Variants in TMEM139 observed in about 807,000 individuals in gnomAD.
TMEM139 encodes the protein transmembrane protein 139.
In TMEM139, 9 loss-of-function variants were observed where a neutral mutation model predicts 15.9. The ratio of observed to expected loss-of-function variants is 0.57; its 90% confidence interval spans 0.34 to 0.99. TMEM139 has a LOEUF of 0.99. Among genes scored for constraint, TMEM139 ranks in the 50% least tolerant of loss-of-function variants. The pLI, the probability that TMEM139 is intolerant of heterozygous loss-of-function variation, is 0.02. For synonymous variants in TMEM139, 95 were observed against 110.5 expected (o/e 0.86, Z 0.88); for missense variants, 270 against 267.7 (o/e 1.01, Z -0.06).
Position 143,286,874 on chromosome 7 carries a change from C to G in TMEM139, c.*45C>G. ...TCTTCTCTCCACACCAGACCTCGTT[C>G]ATTTGACTAACATTTTCCAGCGCCT... is the stretch of plus-strand genomic sequence containing the variant. On this transcript the variant is annotated 3_prime_UTR_variant, in exon 3 of 3. Coordinates refer to ENST00000359333, the MANE Select transcript of TMEM139 (RefSeq NM_001282876.2). 6.6e-7 allele frequency: 1 copy of G among 1,515,882 alleles called. No homozygotes were observed. The highest frequency in any genetic ancestry group is 1.3e-5 in the South Asian group (1 of 76,630). The allele number at this position is 1,515,882 out of a possible 1,614,324, so 93.9% of individuals were successfully genotyped here.
At position 143,285,442 on chromosome 7, in the gene TMEM139, C is replaced by T. The variant is rs1200687871; in HGVS notation, c.-21C>T. 2 of 170,388 alleles carry T rather than the reference C, an allele frequency of 1.2e-5. No homozygotes were observed. Among genetic ancestry groups the T allele is most frequent in the Non-Finnish European group, 2.6e-5 (2 of 77,366 alleles). 10.6% of individuals were successfully genotyped at this position (170,388 alleles called of 1,614,324 possible). ...GAGGAAAGGAAAAGACAGAGTCAGA[C>T]AGGGTAAGTGGGGCTCCCTCCCCTC... On this transcript the variant is annotated 5_prime_UTR_variant, in exon 1 of 3. Transcript: ENST00000359333.
At chr7:143,286,397 C>T in intron 2 of TMEM139, 27 bp from the exon 3 acceptor site, 1 of 1,523,066 alleles carries the variant, frequency 6.6e-7, no homozygotes, top group Non-Finnish European at 8.8e-7. Flanking sequence ...ATGGAAGCCA[C>T]CAATGGCCTT....
Position 143,286,517 on chromosome 7 carries a change from C to T in TMEM139, c.339C>T (p.Pro113=). Residue 113 remains proline, a synonymous_variant, in exon 3 of 3, where the codon CCC becomes CCT. Transcript: ENST00000359333. ...CRPQELDQPP[P]YSTVVIPPAP... ...CCCAAGAGTTGGACCAACCACCCCC[C>T]TACAGCACTGTTGTGATACCCCCAG... 6.2e-7 allele frequency: 1 copy of T among 1,612,974 alleles called. No individual in the cohort carries two copies. The highest frequency in any genetic ancestry group is 8.5e-7 in the Non-Finnish European group (1 of 1,179,522).
At position 143,285,447 on chromosome 7, in the gene TMEM139, T is replaced by G; in HGVS notation, c.-18+2T>G. 5.8e-6 allele frequency: 1 copy of G among 172,974 alleles called. No homozygotes were observed. The highest frequency in any genetic ancestry group is 1.3e-5 in the Non-Finnish European group (1 of 78,762). 10.7% of individuals were successfully genotyped at this position (172,974 alleles called of 1,614,324 possible). On this transcript the variant is annotated splice_donor_variant, in intron 1 of 2. Transcript: ENST00000359333. LOFTEE classifies it low-confidence loss of function (5UTR_SPLICE). ...AAGGAAAAGACAGAGTCAGACAGGGTAAGTGGGGCTCCCTCCCCTCTTCTC... is the reference window on the plus strand; with the variant it reads ...AAGGAAAAGACAGAGTCAGACAGGGGAAGTGGGGCTCCCTCCCCTCTTCTC...
At chr7:143,286,389 G>A in intron 2 of TMEM139, 35 bp from the exon 3 acceptor site, 1 of 1,522,376 alleles carries the variant, frequency 6.6e-7, no homozygotes, top group Non-Finnish European at 8.8e-7. Context: ...CTTCTTTCAT[G>A]GAAGCCACCA....
Position 143,286,222 on chromosome 7 carries a change from C to G in TMEM139, c.245+20C>G, listed in dbSNP as rs1259534084. 6.2e-7 allele frequency: 1 copy of G among 1,612,714 alleles called. No homozygotes were observed. Among genetic ancestry groups the G allele is most frequent in the Admixed American group, 1.7e-5 (1 of 59,966 alleles). On this transcript the variant is annotated intron_variant, in intron 2 of 2. Coordinates refer to ENST00000359333, the MANE Select transcript of TMEM139 (RefSeq NM_001282876.2). ...TGCACGGTGAGTTAAGGGTGGGCAT[C>G]GTAAGAGGAATACACCTTGGGCCCA...
chr7:143,286,360 A>T, intron 2 of TMEM139, 64 bp from the exon 3 acceptor site: 1 of 1,500,968 alleles, frequency 6.7e-7, no homozygotes, highest in Non-Finnish European at 8.9e-7. Context: ...CACAGCAGAC[A>T]AAAAAAAGGG....
rs1801377357 is a variant in TMEM139 at position 143,287,433 on chromosome 7, A to T, written c.*604A>T. On this transcript the variant is annotated 3_prime_UTR_variant, in exon 3 of 3. Transcript: ENST00000359333. ...TTCCTATAAACAGAATGGGCGACCA[A>T]TTGTGTCTACAGAGGGGGTGGGCTG... 1 of 152,294 alleles carries T rather than the reference A, an allele frequency of 6.6e-6. No individual in the cohort carries two copies. The highest frequency in any genetic ancestry group is 2.4e-5 in the African/African-American group (1 of 41,444). 9.4% of individuals were successfully genotyped at this position (152,294 alleles called of 1,614,324 possible). A position where few individuals can be genotyped will look rare whatever the true frequency, so the allele number is the denominator to read the frequency against.
Position 143,286,574 on chromosome 7 carries a change from G to C in TMEM139, c.396G>C (p.Glu132Asp). The C allele has an allele frequency of 6.2e-7, 1 of 1,613,976 alleles. No individual in the cohort carries two copies. The highest frequency in any genetic ancestry group is 1.3e-5 in the African/African-American group (1 of 74,968). The stretch of plus-strand genomic sequence containing the variant: ...AGGAGGAACAACCTAGCCATCCAGA[G>C]GGGTCCAGGAGAGCCAAACTGGAAC... ...APEEEQPSHP[E>D]GSRRAKLEQR... The change falls in exon 3 of 3, where the codon GAG (glutamate) becomes GAC (aspartate). Residue 132 changes from glutamate (E) to aspartate (D), a missense_variant. Glu to Asp is a conservative substitution (Grantham distance 45). Coordinates refer to ENST00000359333, the MANE Select transcript of TMEM139 (RefSeq NM_001282876.2).
rs1801218192 is a variant in TMEM139 at position 143,285,112 on chromosome 7, T to C, written c.-351T>C. The C allele has an allele frequency of 6.6e-6, 1 of 152,352 alleles. No homozygotes were observed. The highest frequency in any genetic ancestry group is 2.1e-4 in the South Asian group (1 of 4,832). The allele number at this position is 152,352 out of a possible 1,614,324, so 9.4% of individuals were successfully genotyped here. On this transcript the variant is annotated 5_prime_UTR_variant, in exon 1 of 3. Transcript: ENST00000359333. ...AACTTCTGACAGGCTGTTTCTGGGG[T>C]ATGGGCTGCCTCGGGTTGTTGCTGT...
rs759102304 is a variant in TMEM139, at chr7:143,286,203, G to A, written c.245+1G>A. On this transcript the variant is annotated splice_donor_variant, in intron 2 of 2. Transcript: ENST00000359333. LOFTEE classifies it high-confidence loss of function. Reference sequence around the variant, plus strand: ...GCCCAGGGCCCTCAGGCAATGCACGGTGAGTTAAGGGTGGGCATCGTAAGA... The same window carrying A: ...GCCCAGGGCCCTCAGGCAATGCACGATGAGTTAAGGGTGGGCATCGTAAGA... 14 of 1,613,564 alleles carry A rather than the reference G, an allele frequency of 8.7e-6. No homozygotes were observed. Among genetic ancestry groups the A allele is most frequent in the Non-Finnish European group, 1.2e-5 (14 of 1,179,972 alleles).
chr7:143,286,874 C>T lies in TMEM139; in HGVS notation c.*45C>T. ...TCTTCTCTCCACACCAGACCTCGTT[C>T]ATTTGACTAACATTTTCCAGCGCCT... is the stretch of plus-strand genomic sequence containing the variant. On this transcript the variant is annotated 3_prime_UTR_variant, in exon 3 of 3. Coordinates refer to ENST00000359333, the MANE Select transcript of TMEM139 (RefSeq NM_001282876.2). The T allele has an allele frequency of 2.6e-6, 4 of 1,515,882 alleles. No individual in the cohort carries two copies. The highest frequency in any genetic ancestry group is 3.5e-6 in the Non-Finnish European group (4 of 1,128,980). The allele number at this position is 1,515,882 out of a possible 1,614,324, so 93.9% of individuals were successfully genotyped here. A position where few individuals can be genotyped will look rare whatever the true frequency, so the allele number is the denominator to read the frequency against.
rs752714606 is a variant in TMEM139, at chr7:143,286,489, GC to G, written c.316del (p.Gln106LysfsTer13). ...EAVVGLESQCRPQELDQPPPY... is the reference protein window; with the variant it reads ...EAVVGLESQCXPQELDQPPPY... ...GTGGTGGGACTAGAATCCCAGTGCC[GC>G]CCCCAAGAGTTGGACCAACCACCCC... On this transcript the variant is annotated frameshift_variant, in exon 3 of 3. Transcript: ENST00000359333. LOFTEE classifies it high-confidence loss of function. 1.3e-6 allele frequency: 2 copies of G among 1,572,256 alleles called. No individual in the cohort carries two copies. Among genetic ancestry groups the G allele is most frequent in the Non-Finnish European group, 1.7e-6 (2 of 1,161,598 alleles).
Position 143,286,098 on chromosome 7 carries a change from C to G in TMEM139, c.141C>G (p.Gly47=). 6.2e-7 allele frequency: 1 copy of G among 1,614,042 alleles called. No homozygotes were observed. Among genetic ancestry groups the G allele is most frequent in the Non-Finnish European group, 8.5e-7 (1 of 1,179,964 alleles). Residue 47 remains glycine, a synonymous_variant, in exon 2 of 3, where the codon GGC becomes GGG. Coordinates refer to ENST00000359333, the MANE Select transcript of TMEM139 (RefSeq NM_001282876.2). ...PVAYFFLTLG[G]FFLFAYLLVR... ...CTTATTTCTTTCTCACATTGGGTGG[C>G]TTCTTCTTGTTTGCCTATCTCCTGG...
chr7:143,286,660 T>C lies in TMEM139; in HGVS notation c.482T>C (p.Ile161Thr), dbSNP rs1801332703. Residue 161 changes from isoleucine to threonine, a missense_variant, in exon 3 of 3, where the codon ATC (isoleucine) becomes ACC (threonine). Transcript: ENST00000359333. The stretch of plus-strand genomic sequence containing the variant: ...GAAGGAAGCCCTGGAAGAGCTCCAA[T>C]CAACCTTCGGCTTCGGGGACCACGG... ...AQEGSPGRAP[I>T]NLRLRGPRAV... 1 of 1,614,170 alleles carries C rather than the reference T, an allele frequency of 6.2e-7. No homozygotes were observed. The highest frequency in any genetic ancestry group is 2.2e-5 in the East Asian group (1 of 44,878).
Position 143,288,000 on chromosome 7 carries a change from C to A in TMEM139, c.*1171C>A, listed in dbSNP as rs915343041. On this transcript the variant is annotated 3_prime_UTR_variant, in exon 3 of 3. Transcript: ENST00000359333. Reference sequence around the variant, plus strand: ...GCCTTGTCGCGCTCTCAGTCTCCTTCGCAGCCTGGCCCCAACCGTTCAACT... The same window carrying A: ...GCCTTGTCGCGCTCTCAGTCTCCTTAGCAGCCTGGCCCCAACCGTTCAACT... 1.2e-4 allele frequency: 22 copies of A among 178,462 alleles called. No individual in the cohort carries two copies. The highest frequency in any genetic ancestry group is 4.8e-4 in the African/African-American group (20 of 41,718). The allele number at this position is 178,462 out of a possible 1,614,324, so 11.1% of individuals were successfully genotyped here.
rs912134885 is a variant in TMEM139 at position 143,287,966 on chromosome 7, C to G, written c.*1137C>G. ...CAGCCTTCCTTCCCCGCGCGGGCAT[C>G]TGTCCAGGGCCTTGTCGCGCTCTCA... On this transcript the variant is annotated 3_prime_UTR_variant, in exon 3 of 3. Transcript: ENST00000359333. The G allele has an allele frequency of 6.5e-6, 1 of 154,690 alleles. No individual in the cohort carries two copies. Among genetic ancestry groups the G allele is most frequent in the African/African-American group, 2.4e-5 (1 of 41,528 alleles). 9.6% of individuals were successfully genotyped at this position (154,690 alleles called of 1,614,324 possible). A position where few individuals can be genotyped will look rare whatever the true frequency, so the allele number is the denominator to read the frequency against.
Position 143,286,680 on chromosome 7 carries a change from C to G in TMEM139, c.502C>G (p.Pro168Ala). ...RAPINLRLRGPRAVSTAPDLQ... is the reference protein window; with the variant it reads ...RAPINLRLRGARAVSTAPDLQ... ...TCCAATCAACCTTCGGCTTCGGGGA[C>G]CACGGGCTGTGTCCACTGCTCCTGA... Residue 168 changes from proline to alanine, a missense_variant, in exon 3 of 3, where the codon CCA becomes GCA. By Grantham distance (27) the Pro-to-Ala change is conservative. Coordinates refer to ENST00000359333, the MANE Select transcript of TMEM139 (RefSeq NM_001282876.2). The G allele has an allele frequency of 3.1e-6, 5 of 1,614,216 alleles. No individual in the cohort carries two copies. The highest frequency in any genetic ancestry group is 4.2e-6 in the Non-Finnish European group (5 of 1,180,052).
chr7:143,286,701 C>G lies in TMEM139; in HGVS notation c.523C>G (p.Pro175Ala). 1 of 1,614,192 alleles carries G rather than the reference C, an allele frequency of 6.2e-7. No homozygotes were observed. Among genetic ancestry groups the G allele is most frequent in the Non-Finnish European group, 8.5e-7 (1 of 1,180,038 alleles). ...LRGPRAVSTA[P>A]DLQSLAAVPT... ...GGGACCACGGGCTGTGTCCACTGCTCCTGATCTGCAGAGCTTGGCGGCAGT... is the reference window on the plus strand; with the variant it reads ...GGGACCACGGGCTGTGTCCACTGCTGCTGATCTGCAGAGCTTGGCGGCAGT... The change falls in exon 3 of 3, where the codon CCT (proline) becomes GCT (alanine). Residue 175 changes from proline to alanine, a missense_variant. Pro to Ala is a conservative substitution (Grantham distance 27, BLOSUM62 -1). Coordinates refer to ENST00000359333, the MANE Select transcript of TMEM139 (RefSeq NM_001282876.2).
Sources: gnomAD v4.1 joint callset for allele counts on GRCh38, gnomAD v4.1.1 for gene constraint, MANE v1.5 for transcripts, NCBI Gene and HGNC (gene_info 2026-07-23, HGNC 2026-07-21) for gene names.